The following PLCG1 variants were observed in gnomAD, a reference collection of about 807,000 sequenced individuals.
The protein encoded by PLCG1 is phospholipase C gamma 1.
A neutral mutation model predicts 177.8 loss-of-function variants in PLCG1; 71 were observed. That is an observed-to-expected ratio of 0.40 (90% CI 0.33 to 0.49). The LOEUF is 0.49. Among genes scored for constraint, PLCG1 ranks in the 20% least tolerant of loss-of-function variants. The probability of loss-of-function intolerance (pLI) is 0.72; values close to 1 mark genes in which losing one functional copy is unlikely to be tolerated. For synonymous variants in PLCG1, 658 were observed against 647.9 expected (o/e 1.02, Z -0.24); for missense variants, 1,281 against 1,709.0 (o/e 0.75, Z 4.42).
intron 5 of PLCG1, 46 bp downstream of exon 5, chr20:41,162,582 A>G: frequency 6.2e-7 from 1 of 1,608,294 alleles, no homozygotes; most frequent in Non-Finnish European, 8.5e-7. Flanking sequence ...AGGGGAAGCC[A>G]AGAGCCCTTC....
Position 41,167,757 on chromosome 20 carries a change from C to T in PLCG1, c.2302-95C>T. The T allele has an allele frequency of 2.3e-6, 2 of 860,800 alleles. No individual in the cohort carries two copies. The highest frequency in any genetic ancestry group is 2.8e-5 in the South Asian group (2 of 70,868). 53.3% of individuals were successfully genotyped at this position (860,800 alleles called of 1,614,324 possible). The stretch of plus-strand genomic sequence containing the variant: ...CTGTGGATCAGGTGCAAGTTTGCTG[C>T]ACTGGGGGAAAGGGAAGCTGCTCCA... On this transcript the variant is annotated intron_variant, in intron 19 of 31. Coordinates refer to ENST00000685551, the MANE Select transcript of PLCG1 (RefSeq NM_002660.3). This position sits in a 1 kb window ranked among gnomAD's most constrained non-coding sequence, Gnocchi z 4.4.
intron 24 of PLCG1, chr20:41,170,527 A>T (rs1476524582): frequency 2.2e-6 from 1 of 450,780 alleles, no homozygotes; most frequent in Non-Finnish European, 4.0e-6. Context: ...TTGGATACAC[A>T]AGACCAGAGG....
Position 41,169,071 on chromosome 20 carries a change from TC to T in PLCG1, c.2484-5del, listed in dbSNP as rs869070782. 4 of 1,604,322 alleles carry T rather than the reference TC, an allele frequency of 2.5e-6. No individual in the cohort carries two copies. Among genetic ancestry groups the T allele is most frequent in the Non-Finnish European group, 3.4e-6 (4 of 1,171,058 alleles). ...TTGCTGGAGGTCAGCACCCTGTGGCTCCCACAGGTGGCGAGGGGACTACGGA... is the reference window on the plus strand; with the variant it reads ...TTGCTGGAGGTCAGCACCCTGTGGCTCCACAGGTGGCGAGGGGACTACGGA... On this transcript the variant is annotated splice_polypyrimidine_tract_variant and splice_region_variant and intron_variant, in intron 21 of 31. Transcript: ENST00000685551.
In PLCG1 at chr20:41,163,572, G is replaced by C; in HGVS notation, c.891+93G>C. 2 of 1,094,328 alleles carry C rather than the reference G, an allele frequency of 1.8e-6. No homozygotes were observed. Among genetic ancestry groups the C allele is most frequent in the Non-Finnish European group, 2.8e-6 (2 of 713,846 alleles). 67.8% of individuals were successfully genotyped at this position (1,094,328 alleles called of 1,614,324 possible). A position where few individuals can be genotyped will look rare whatever the true frequency, so the allele number is the denominator to read the frequency against. On this transcript the variant is annotated intron_variant, in intron 9 of 31. Coordinates refer to ENST00000685551, the MANE Select transcript of PLCG1 (RefSeq NM_002660.3). This position sits in a 1 kb window ranked among gnomAD's most constrained non-coding sequence, Gnocchi z 5.2. Reference sequence around the variant, plus strand: ...CTCCAGGAGCTAGACGCTCCTTAGGGATGCCACCTTGTTTCTACCTACTGT... The same window carrying C: ...CTCCAGGAGCTAGACGCTCCTTAGGCATGCCACCTTGTTTCTACCTACTGT...
At position 41,173,915 on chromosome 20, in the gene PLCG1, C is replaced by T. The variant is rs1223931555; in HGVS notation, c.3557-8C>T. On this transcript the variant is annotated splice_polypyrimidine_tract_variant and splice_region_variant and intron_variant, in intron 29 of 31. Transcript: ENST00000685551. This position sits in a 1 kb window ranked among gnomAD's most constrained non-coding sequence, Gnocchi z 6.2. ...GTGGGCTGAGGGCCAGGCTTTTCCT[C>T]CTCCTAGGATACAGAGCAGTGCCTT... 2 of 1,613,394 alleles carry T rather than the reference C, an allele frequency of 1.2e-6. No homozygotes were observed. The highest frequency in any genetic ancestry group is 1.1e-5 in the South Asian group (1 of 91,062).
chr20:41,157,201 ACT>A lies in PLCG1; in HGVS notation c.218-2402_218-2401del, dbSNP rs1491117987. On this transcript the variant is annotated intron_variant, in intron 1 of 31. Transcript: ENST00000685551. This position sits in a 1 kb window ranked among gnomAD's most constrained non-coding sequence, Gnocchi z 5.4. ...TATGTGCAGGAGTGCAGGCCTGTTG[ACT>A]CTGTGTGTGTGTGTGTGTGTGTGTG... Among the ~76,000 whole-genome samples the A allele has an allele frequency of 4.3e-4, 24 of 55,182 alleles. No homozygotes were observed. The highest frequency in any genetic ancestry group is 0.013 in the Middle Eastern group (2 of 158). The allele number at this position is 55,182 out of a possible 152,430, so 36.2% of individuals were successfully genotyped here.
chr20:41,166,991 C>T lies in PLCG1; in HGVS notation c.2301+132C>T. ...TTCGTGGGAGGGCCCCTGACTCCAG[C>T]TGGGAGCCACAGTGTGGGTACCAGG... On this transcript the variant is annotated intron_variant, in intron 19 of 31. Coordinates refer to ENST00000685551, the MANE Select transcript of PLCG1 (RefSeq NM_002660.3). This position sits in a 1 kb window ranked among gnomAD's most constrained non-coding sequence, Gnocchi z 8.6. 2.5e-6 allele frequency: 2 copies of T among 797,800 alleles called. No homozygotes were observed. The highest frequency in any genetic ancestry group is 4.2e-6 in the Non-Finnish European group (2 of 480,628). The allele number at this position is 797,800 out of a possible 1,614,324, so 49.4% of individuals were successfully genotyped here.
rs1491358367 is a variant in PLCG1, at chr20:41,157,202, C to CTGTGTG, written c.218-2403_218-2402insGTGTGT. On this transcript the variant is annotated intron_variant, in intron 1 of 31. Transcript: ENST00000685551. The surrounding 1 kb of genome is among the most constrained non-coding windows in gnomAD (Gnocchi z 5.4). ...ATGTGCAGGAGTGCAGGCCTGTTGA[C>CTGTGTG]TCTGTGTGTGTGTGTGTGTGTGTGT... Among the ~76,000 whole-genome samples the CTGTGTG allele has an allele frequency of 5.1e-5, 3 of 59,318 alleles. No homozygotes were observed. Among genetic ancestry groups the CTGTGTG allele is most frequent in the South Asian group, 7.0e-4 (1 of 1,432 alleles). The allele number at this position is 59,318 out of a possible 152,430, so 38.9% of individuals were successfully genotyped here.
rs62621919 is a variant in PLCG1, at chr20:41,174,542, G to A, written c.*33G>A. 1.8e-4 allele frequency: 283 copies of A among 1,564,326 alleles called. 2 individuals carry two copies. Among genetic ancestry groups the A allele is most frequent in the Non-Finnish European group, 1.1e-4 (132 of 1,151,988 alleles). Reference sequence around the variant, plus strand: ...CCAGCCTCGTTGGAGAGCAGCAGGTGCTGTGCGCCTTGTAGAATGCCGCGA... The same window carrying A: ...CCAGCCTCGTTGGAGAGCAGCAGGTACTGTGCGCCTTGTAGAATGCCGCGA... On this transcript the variant is annotated 3_prime_UTR_variant, in exon 32 of 32. Coordinates refer to ENST00000685551, the MANE Select transcript of PLCG1 (RefSeq NM_002660.3). This position sits in a 1 kb window ranked among gnomAD's most constrained non-coding sequence, Gnocchi z 5.8.
rs751206547 is a variant in PLCG1 at position 41,165,703 on chromosome 20, G to A, written c.1676G>A (p.Arg559His). Residue 559 changes from arginine (R) to histidine (H), a missense_variant, in exon 16 of 32, where the codon CGT becomes CAT. Coordinates refer to ENST00000685551, the MANE Select transcript of PLCG1 (RefSeq NM_002660.3). The surrounding 1 kb of genome is among the most constrained non-coding windows in gnomAD (Gnocchi z 6.6). ...TTCCATGGGAAGCTAGGGGCAGGGC[G>A]TGACGGGCGTCACATCGCTGAGCGC... The part of the protein sequence containing the change: ...KWFHGKLGAG[R>H]DGRHIAERLL... The A allele has an allele frequency of 1.4e-5, 22 of 1,613,892 alleles. No individual in the cohort carries two copies. Among genetic ancestry groups the A allele is most frequent in the Admixed American group, 3.3e-5 (2 of 60,034 alleles).
Position 41,151,904 on chromosome 20 carries a change from G to C in PLCG1, c.218-7702G>C, listed in dbSNP as rs2035177237. On this transcript the variant is annotated intron_variant, in intron 1 of 31. Coordinates refer to ENST00000685551, the MANE Select transcript of PLCG1 (RefSeq NM_002660.3). The surrounding 1 kb of genome is among the most constrained non-coding windows in gnomAD (Gnocchi z 5.5). Reference sequence around the variant, plus strand: ...GTGCAGAGCCCCTGTGCCTCTGGCTGCCTGTGAAGGGGGATCTGCAGTGCA... The same window carrying C: ...GTGCAGAGCCCCTGTGCCTCTGGCTCCCTGTGAAGGGGGATCTGCAGTGCA... Among the ~76,000 whole-genome samples the C allele has an allele frequency of 6.6e-6, 1 of 152,216 alleles. No individual in the cohort carries two copies.
rs905508709 is a variant in PLCG1, at chr20:41,177,186, C to T, written c.*2677C>T. ...CTCCTGCCATCACCAGTAGAACCTT[C>T]TGGCTGACAGACCAGGGACAAGTAG... On this transcript the variant is annotated 3_prime_UTR_variant, in exon 32 of 32. Transcript: ENST00000685551. 1.3e-5 allele frequency: 2 copies of T among 152,248 alleles called. No homozygotes were observed. The highest frequency in any genetic ancestry group is 2.4e-5 in the African/African-American group (1 of 41,456). The allele number at this position is 152,248 out of a possible 1,614,324, so 9.4% of individuals were successfully genotyped here.
In PLCG1 at chr20:41,172,368, C is replaced by G. The variant is rs534015568; in HGVS notation, c.2906-53C>G. 4 of 1,584,590 alleles carry G rather than the reference C, an allele frequency of 2.5e-6. No individual in the cohort carries two copies. Among genetic ancestry groups the G allele is most frequent in the African/African-American group, 2.7e-5 (2 of 74,404 alleles). On this transcript the variant is annotated intron_variant, in intron 25 of 31. Coordinates refer to ENST00000685551, the MANE Select transcript of PLCG1 (RefSeq NM_002660.3). The surrounding 1 kb of genome is among the most constrained non-coding windows in gnomAD (Gnocchi z 7.0). ...GCAAAAAGAGTATTTAGGTATCCCC[C>G]CAACACTTCCTGGGTGGGCGGGCTC...
chr20:41,166,413 G>A lies in PLCG1; in HGVS notation c.2000+19G>A, dbSNP rs2035694655. ...GCAAAGAGTGAGGGAAGGGCCTGGG[G>A]GCGGACAAGGCAGGGCAGGGCCATG... is the stretch of plus-strand genomic sequence containing the variant. On this transcript the variant is annotated intron_variant, in intron 17 of 31. Coordinates refer to ENST00000685551, the MANE Select transcript of PLCG1 (RefSeq NM_002660.3). This position sits in a 1 kb window ranked among gnomAD's most constrained non-coding sequence, Gnocchi z 8.6. 1.2e-6 allele frequency: 2 copies of A among 1,613,934 alleles called. No individual in the cohort carries two copies. Among genetic ancestry groups the A allele is most frequent in the Non-Finnish European group, 1.7e-6 (2 of 1,180,050 alleles).
At chr20:41,170,510 T>C (rs1237118217) in intron 24 of PLCG1, 1 of 502,236 alleles carries the variant, frequency 2.0e-6, no homozygotes, top group East Asian at 3.5e-5. Flanking sequence ...GTCTGCTTAG[T>C]GGGCAATTGG....
chr20:41,173,942 G>T lies in PLCG1; in HGVS notation c.3576G>T (p.Leu1192Phe). ...TCCTAGGATACAGAGCAGTGCCTTT[G>T]AAGAACAACTACAGTGAGGACCTGG... is the stretch of plus-strand genomic sequence containing the variant. ...GLKTGYRAVP[L>F]KNNYSEDLEL... The change falls in exon 30 of 32, where the codon TTG becomes TTT. Residue 1192 changes from leucine to phenylalanine, a missense_variant. This residue lies in a region of PLCG1 where 153 missense variants were observed against 153.2 expected (regional missense o/e 1.00). Coordinates refer to ENST00000685551, the MANE Select transcript of PLCG1 (RefSeq NM_002660.3). This position sits in a 1 kb window ranked among gnomAD's most constrained non-coding sequence, Gnocchi z 6.2. 6.2e-7 allele frequency: 1 copy of T among 1,614,130 alleles called. No individual in the cohort carries two copies. The highest frequency in any genetic ancestry group is 8.5e-7 in the Non-Finnish European group (1 of 1,179,970).
At chr20:41,162,389 A>T (rs1196038646) in intron 4 of PLCG1, 63 bp from the exon 5 acceptor site, 6 of 1,335,184 alleles carry the variant, frequency 4.5e-6, no homozygotes, top group South Asian at 1.2e-5. Context: ...GGTGGGCTCG[A>T]CCCACAGGTC....
chr20:41,139,869 T>C (rs2034761567), intron 1 of PLCG1, among the ~76,000 whole-genome samples: 1 of 152,142 alleles, frequency 6.6e-6, no homozygotes, highest in Non-Finnish European at 1.5e-5. Context: ...AGGAAACAGT[T>C]TTGTTTTGCC....
Position 41,163,890 on chromosome 20 carries a change from C to T in PLCG1, c.1011-31C>T, listed in dbSNP as rs1445938772. ...TCTTCCCCAGGAGGGCCCATCTGAC[C>T]ATACCTACCTGCCTCTCCTTGCCTA... is the stretch of plus-strand genomic sequence containing the variant. On this transcript the variant is annotated intron_variant, in intron 10 of 31. Transcript: ENST00000685551. The surrounding 1 kb of genome is among the most constrained non-coding windows in gnomAD (Gnocchi z 5.2). 6.2e-7 allele frequency: 1 copy of T among 1,611,696 alleles called. No individual in the cohort carries two copies. The highest frequency in any genetic ancestry group is 1.3e-5 in the African/African-American group (1 of 74,890).
Sources: gnomAD v4.1 joint callset for allele counts (sites outside exome capture counted in the v4.1 genomes callset) on GRCh38, gnomAD v4.1.1 for gene constraint, gnomAD v4.1.1 regional missense constraint, Gnocchi (gnomAD v3.1) non-coding constraint, MANE v1.5 for transcripts, NCBI Gene and HGNC (gene_info 2026-07-23, HGNC 2026-07-21) for gene names.